ROBO2: variants seen among roughly 807,000 people sequenced by gnomAD.
The protein encoded by ROBO2 is roundabout homolog 2.
In ROBO2, 53 loss-of-function variants were observed where a neutral mutation model predicts 160.8. The ratio of observed to expected loss-of-function variants is 0.33; its 90% CI spans 0.26 to 0.41. The LOEUF is 0.41. Ranked by LOEUF, ROBO2 falls within the 10% of genes least tolerant of loss-of-function variation. The pLI, the probability that ROBO2 is intolerant of heterozygous loss-of-function variation, is 1.00. For missense variants in ROBO2, 1,577 were observed against 1,722.4 expected (o/e 0.92, Z 1.49); for synonymous variants, 664 against 611.7 (o/e 1.09, Z -1.26).
intron 2 of ROBO2, among the ~76,000 whole-genome samples, chr3:77,401,792 T>C (rs2075819803): frequency 6.6e-6 from 1 of 152,110 alleles, no homozygotes; most frequent in African/African-American, 2.4e-5. Flanking sequence ...AATAATGGGA[T>C]TGCTGGGTCA....
chr3:76,216,387 C>T (rs1353369854), intron 2 of ROBO2, among the ~76,000 whole-genome samples: 1 of 152,022 alleles, frequency 6.6e-6, no homozygotes, highest in Admixed American at 6.6e-5. Flanking sequence ...GAGTCAAGAC[C>T]CATCAGTGTG....
intron 2 of ROBO2, among the ~76,000 whole-genome samples, chr3:76,793,468 C>G (rs1266831051): frequency 6.6e-6 from 1 of 151,848 alleles, no homozygotes; most frequent in African/African-American, 2.4e-5. Context: ...ATAAAATTCT[C>G]ACCATGACTT....
At chr3:77,103,202 A>G (rs1005674991) in intron 2 of ROBO2, among the ~76,000 whole-genome samples, 3 of 152,180 alleles carry the variant, frequency 2.0e-5, no homozygotes, top group African/African-American at 7.2e-5. Flanking sequence ...AATAGATGAC[A>G]GCAGCTTGAT....
chr3:77,287,091 C>A (rs2060654016), intron 2 of ROBO2, among the ~76,000 whole-genome samples: 1 of 152,172 alleles, frequency 6.6e-6, no homozygotes, highest in South Asian at 2.1e-4. Context: ...ATCTGGAGTT[C>A]ATAAGCCATT....
intron 2 of ROBO2, among the ~76,000 whole-genome samples, chr3:77,453,283 G>T (rs2081300062): frequency 6.6e-6 from 1 of 151,978 alleles, no homozygotes; most frequent in African/African-American, 2.4e-5. Flanking sequence ...CATCACTGCA[G>T]TTGGCTTTGA....
intron 2 of ROBO2, among the ~76,000 whole-genome samples, chr3:77,334,686 A>G (rs1375564214): frequency 6.6e-6 from 1 of 152,146 alleles, no homozygotes; most frequent in East Asian, 1.9e-4. Flanking sequence ...AGTGACAGAT[A>G]CTTTCAAGAC....
chr3:77,404,234 G>A (rs1195514962), intron 2 of ROBO2, among the ~76,000 whole-genome samples: 1 of 152,112 alleles, frequency 6.6e-6, no homozygotes, highest in African/African-American at 2.4e-5. Flanking sequence ...TATGTACACA[G>A]CCCCTCTATA....
chr3:76,640,926 A>G (rs1284035823), intron 2 of ROBO2, among the ~76,000 whole-genome samples: 1 of 152,228 alleles, frequency 6.6e-6, no homozygotes, highest in South Asian at 2.1e-4. Context: ...GGCAAAATGA[A>G]TACTACTGCT....
chr3:76,540,922 C>A (rs1560117737), intron 2 of ROBO2, among the ~76,000 whole-genome samples: 3 of 152,140 alleles, frequency 2.0e-5, no homozygotes, highest in Non-Finnish European at 4.4e-5. Flanking sequence ...GCCTCAGCCT[C>A]CCAAGAAGCT....
chr3:76,418,298 C>A (rs956408181), intron 2 of ROBO2, among the ~76,000 whole-genome samples: 1 of 139,088 alleles, frequency 7.2e-6, no homozygotes, highest in Non-Finnish European at 1.5e-5. Context: ...GGCTGAAGTG[C>A]AGTGATGCGA....
At chr3:76,178,656 G>T (rs2073314640) in intron 2 of ROBO2, among the ~76,000 whole-genome samples, 1 of 152,050 alleles carries the variant, frequency 6.6e-6, no homozygotes. Flanking sequence ...ACATAAAAAA[G>T]AACCTTGGCT....
At chr3:76,997,323 A>G (rs760754187) in intron 2 of ROBO2, among the ~76,000 whole-genome samples, 3 of 152,162 alleles carry the variant, frequency 2.0e-5, no homozygotes, top group Non-Finnish European at 4.4e-5. Context: ...ATAATGTTAT[A>G]CCTTACAATG....
chr3:75,970,163 A>G (rs1308001999), intron 2 of ROBO2, among the ~76,000 whole-genome samples: 1 of 151,426 alleles, frequency 6.6e-6, no homozygotes, highest in Non-Finnish European at 1.5e-5. Flanking sequence ...AATTTTGGCC[A>G]AGTATCTTCT....
At chr3:76,478,010 C>T (rs1034220674) in intron 2 of ROBO2, among the ~76,000 whole-genome samples, 2 of 141,136 alleles carry the variant, frequency 1.4e-5, no homozygotes, top group African/African-American at 5.4e-5. Context: ...GATAAGTAGC[C>T]GCTACTTCTT....
At chr3:76,352,783 C>T (rs1201686615) in intron 2 of ROBO2, among the ~76,000 whole-genome samples, 1 of 151,942 alleles carries the variant, frequency 6.6e-6, no homozygotes, top group Non-Finnish European at 1.5e-5. Flanking sequence ...TATAAATAAA[C>T]TGTGTCTGGA....
At position 76,624,549 on chromosome 3, in the gene ROBO2, A is replaced by G. The variant is rs138912144; in HGVS notation, c.110-473465A>G. Among the ~76,000 whole-genome samples the G allele has an allele frequency of 3.3e-3, 502 of 152,218 alleles. 2 individuals carry two copies. Among genetic ancestry groups the G allele is most frequent in the African/African-American group, 0.012 (488 of 41,538 alleles). ...GCGGTGGGCTCACACCTGTAATCCC[A>G]GAACTTTGGAAAGCCGAGGCGGGCG... On this transcript the variant is annotated intron_variant, in intron 2 of 26. Coordinates refer to the ROBO2 transcript ENST00000487694.
chr3:77,111,987 G>T (rs2073644965), intron 2 of ROBO2, among the ~76,000 whole-genome samples: 1 of 151,872 alleles, frequency 6.6e-6, no homozygotes, highest in Non-Finnish European at 1.5e-5. Flanking sequence ...CGAGGTGGGC[G>T]GGTCGCTTGA....
intron 2 of ROBO2, among the ~76,000 whole-genome samples, chr3:77,155,988 T>C (rs962124883): frequency 6.6e-6 from 1 of 152,010 alleles, no homozygotes; most frequent in Non-Finnish European, 1.5e-5. Flanking sequence ...TCATCTGTGG[T>C]CATTGCTTTT....
chr3:76,180,469 C>A (rs900392765), intron 2 of ROBO2, among the ~76,000 whole-genome samples: 12 of 152,174 alleles, frequency 7.9e-5, no homozygotes, highest in African/African-American at 2.9e-4. Flanking sequence ...TGAATCTTCA[C>A]CATCTAATTA....
Sources: gnomAD v4.1 joint callset for allele counts (sites outside exome capture counted in the v4.1 genomes callset) on GRCh38, gnomAD v4.1.1 for gene constraint, MANE v1.5 for transcripts, NCBI Gene and HGNC (gene_info 2026-07-23, HGNC 2026-07-21) for gene names.